The following ANOS1 variants were observed in gnomAD, a reference collection of about 807,000 sequenced individuals.
ANOS1 encodes anosmin 1, also known as anosmin-1.
A neutral mutation model predicts 59.0 loss-of-function variants in ANOS1; 6 were observed. That is an observed-to-expected ratio of 0.10 (90% CI 0.06 to 0.20). The LOEUF (loss-of-function observed/expected upper bound fraction) is 0.20. Among genes scored for constraint, ANOS1 ranks in the 10% least tolerant of loss-of-function variants. ANOS1 has a pLI of 1.00. For synonymous variants in ANOS1, 217 were observed against 223.4 expected (o/e 0.97, Z 0.25); for missense variants, 433 against 542.3 (o/e 0.80, Z 2.00).
At position 8,546,111 on chromosome X, in the gene ANOS1, A is replaced by G. The variant is rs1929768443; in HGVS notation, c.1355-6353T>C. Among the ~76,000 whole-genome samples the G allele has an allele frequency of 7.1e-5, 8 of 112,053 alleles. No individual in the cohort carries two copies. The Admixed American group carries it at 7.6e-4, about 11-fold the overall frequency. On this transcript the variant is annotated intron_variant, in intron 9 of 13. Coordinates refer to ENST00000262648, the MANE Select transcript of ANOS1 (RefSeq NM_000216.4). ...AACTGTGCTGATATTCACATTCCGT[A>G]CAGTGCTCCTATGCTAGTAATACTG...
chrX:8,624,678 C>T (rs180764833), intron 2 of ANOS1, among the ~76,000 whole-genome samples: 151 of 111,193 alleles, frequency 1.4e-3, no homozygotes, highest in African/African-American at 4.7e-3. Flanking sequence ...AGACACTAGC[C>T]AGACTCCATT....
At chrX:8,576,807 C>G (rs1464977605) in intron 6 of ANOS1, among the ~76,000 whole-genome samples, 1 of 111,266 alleles carries the variant, frequency 9.0e-6, no homozygotes, top group African/African-American at 3.3e-5. Flanking sequence ...ATATATTCCA[C>G]CATCAAAATA....
intron 10 of ANOS1, among the ~76,000 whole-genome samples, chrX:8,538,657 C>G (rs1403366020): frequency 8.9e-6 from 1 of 112,068 alleles, no homozygotes; most frequent in Non-Finnish European, 1.9e-5. Context: ...CTCTGCTTTT[C>G]AAATCGACTT....
chrX:8,536,579 C>T (rs1929597980), intron 11 of ANOS1, among the ~76,000 whole-genome samples, 192 bp downstream of exon 11: 1 of 111,931 alleles, frequency 8.9e-6, no homozygotes, highest in Non-Finnish European at 1.9e-5. Flanking sequence ...GACATCTTTC[C>T]AAGCCTGTTA....
chrX:8,568,041 TAAGA>T lies in ANOS1; in HGVS notation c.1207+187_1207+190del, dbSNP rs3831746. On this transcript the variant is annotated intron_variant, in intron 8 of 13. Coordinates refer to ENST00000262648, the MANE Select transcript of ANOS1 (RefSeq NM_000216.4). ...TTGCACCTACAATAGATAAAAACCA[TAAGA>T]AAGAATTCAAAAGTCAAACTGTTTC... Among the ~76,000 whole-genome samples, 80 of 112,201 alleles carry T rather than the reference TAAGA, an allele frequency of 7.1e-4. No individual in the cohort carries two copies. In the East Asian group the frequency reaches 0.019, roughly 27 times the overall value.
intron 3 of ANOS1, among the ~76,000 whole-genome samples, chrX:8,610,912 T>A (rs1262307509): frequency 9.0e-6 from 1 of 111,544 alleles, no homozygotes; most frequent in African/African-American, 3.3e-5. Context: ...AACACAAAAA[T>A]TTGACATCCA....
chrX:8,729,712 T>TAAA (rs1173021674), intron 1 of ANOS1, among the ~76,000 whole-genome samples: 46 of 63,066 alleles, frequency 7.3e-4, no homozygotes, highest in African/African-American at 2.2e-3. Flanking sequence ...TTCTAATTAT[T>TAAA]AAAAAAAAAA....
intron 2 of ANOS1, among the ~76,000 whole-genome samples, chrX:8,631,397 G>T (rs1253929617): frequency 9.0e-6 from 1 of 111,317 alleles, no homozygotes; most frequent in Non-Finnish European, 1.9e-5. Flanking sequence ...TCTCTACAAA[G>T]ATCATAGCAT....
At chrX:8,648,042 G>T (rs774550166) in intron 2 of ANOS1, among the ~76,000 whole-genome samples, 3 of 112,112 alleles carry the variant, frequency 2.7e-5, no homozygotes, top group Non-Finnish European at 3.8e-5. Flanking sequence ...GTTATAAATT[G>T]ATAAACTGTA....
intron 1 of ANOS1, among the ~76,000 whole-genome samples, chrX:8,730,186 C>G (rs1324438642): frequency 8.9e-6 from 1 of 111,880 alleles, no homozygotes; most frequent in South Asian, 3.7e-4. Context: ...ATAGGCTGCT[C>G]CGTTTTGTTT....
At chrX:8,587,068 C>T (rs1485069238) in intron 5 of ANOS1, among the ~76,000 whole-genome samples, 1 of 109,588 alleles carries the variant, frequency 9.1e-6, no homozygotes, top group African/African-American at 3.3e-5. Context: ...TGTCTAAAGG[C>T]ATGAAACAGT....
chrX:8,633,061 ACT>A (rs1931515003), intron 2 of ANOS1, among the ~76,000 whole-genome samples: 1 of 111,771 alleles, frequency 8.9e-6, no homozygotes, highest in Admixed American at 9.5e-5. Flanking sequence ...CGAAAAGTGC[ACT>A]GTGTCTTGCC....
rs1323634731 is a variant in ANOS1 at position 8,587,138 on chromosome X, G to GGC, written c.726+655_726+656insGC. On this transcript the variant is annotated intron_variant, in intron 5 of 13. Coordinates refer to ENST00000262648, the MANE Select transcript of ANOS1 (RefSeq NM_000216.4). Reference sequence around the variant, plus strand: ...GTAGGGTTTGTGTGTGTGTGTGGGGGGGTGGTTAGCAGCTGGTACTGGATT... The same window carrying GGC: ...GTAGGGTTTGTGTGTGTGTGTGGGGGGCGGTGGTTAGCAGCTGGTACTGGATT... 3.9e-4 allele frequency among the ~76,000 whole-genome samples: 43 copies of GGC among 110,158 alleles called. No homozygotes were observed. The Admixed American group carries it at 4.0e-3, about 10-fold the overall frequency.
At chrX:8,672,039 T>A (rs1932263926) in intron 2 of ANOS1, among the ~76,000 whole-genome samples, 1 of 111,199 alleles carries the variant, frequency 9.0e-6, no homozygotes, top group African/African-American at 3.3e-5. Flanking sequence ...AAATTTTGTA[T>A]CATTTGACCA....
intron 2 of ANOS1, among the ~76,000 whole-genome samples, chrX:8,669,219 G>C (rs1306512165): frequency 8.9e-6 from 1 of 111,809 alleles, no homozygotes; most frequent in East Asian, 2.8e-4. Context: ...AAGACCAGGG[G>C]TGTGGAATGG....
chrX:8,620,064 C>T (rs1175067960), intron 3 of ANOS1, among the ~76,000 whole-genome samples: 3 of 112,089 alleles, frequency 2.7e-5, no homozygotes, highest in Admixed American at 9.5e-5. Context: ...TCCCAAAGTG[C>T]TGATATTACA....
chrX:8,662,760 G>A (rs990122776), intron 2 of ANOS1, among the ~76,000 whole-genome samples: 8 of 112,304 alleles, frequency 7.1e-5, no homozygotes, highest in African/African-American at 1.6e-4. Flanking sequence ...CGTGGCTCAC[G>A]CCTGTAATCC....
intron 3 of ANOS1, among the ~76,000 whole-genome samples, chrX:8,622,672 C>T (rs1002272727): frequency 3.6e-5 from 4 of 112,231 alleles, no homozygotes; most frequent in African/African-American, 1.3e-4. Flanking sequence ...CCTTCAGATT[C>T]TCCTACTTCT....
intron 2 of ANOS1, among the ~76,000 whole-genome samples, chrX:8,658,924 C>T (rs1303224160): frequency 1.8e-5 from 2 of 111,001 alleles, no homozygotes; most frequent in East Asian, 2.8e-4. Flanking sequence ...TTTGTCTCTA[C>T]AGAAATAAAA....
Sources: gnomAD v4.1 joint callset for allele counts (sites outside exome capture counted in the v4.1 genomes callset) on GRCh38, gnomAD v4.1.1 for gene constraint, MANE v1.5 for transcripts, NCBI Gene and HGNC (gene_info 2026-07-23, HGNC 2026-07-21) for gene names.